Variants in PTPRZ1 observed in about 807,000 individuals in gnomAD.
PTPRZ1 encodes protein tyrosine phosphatase receptor type Z1, also known as receptor-type tyrosine-protein phosphatase zeta.
A neutral mutation model predicts 214.1 loss-of-function variants in PTPRZ1; 82 were observed. That is an observed-to-expected ratio of 0.38 (90% CI 0.32 to 0.46). PTPRZ1 has a LOEUF of 0.46. PTPRZ1 is among the 20% of genes least tolerant of loss of function. The pLI, the probability that PTPRZ1 is intolerant of heterozygous loss-of-function variation, is 1.00. For synonymous variants in PTPRZ1, 945 were observed against 987.9 expected (o/e 0.96, Z 0.81); for missense variants, 2,603 against 2,748.7 (o/e 0.95, Z 1.19).
Position 122,010,496 on chromosome 7 carries a change from A to G in PTPRZ1, c.1450A>G (p.Thr484Ala), listed in dbSNP as rs373965772. 79 of 1,613,984 alleles carry G rather than the reference A, an allele frequency of 4.9e-5. No homozygotes were observed. Among genetic ancestry groups the G allele is most frequent in the South Asian group, 8.8e-5 (8 of 91,084 alleles). ...YNEAKTNRSPTRGSEFSGKGD... is the reference protein window; with the variant it reads ...YNEAKTNRSPARGSEFSGKGD... ...TGAAGCCAAGACTAACCGATCCCCA[A>G]CAAGAGGAAGTGAATTCTCTGGAAA... Residue 484 changes from threonine (T) to alanine (A), a missense_variant, in exon 12 of 30, where the codon ACA becomes GCA. Coordinates refer to ENST00000393386, the MANE Select transcript of PTPRZ1 (RefSeq NM_002851.3).
In PTPRZ1 at chr7:122,010,878, C is replaced by T. The variant is rs747637884; in HGVS notation, c.1832C>T (p.Ser611Phe). Reference sequence around the variant, plus strand: ...ATATCCCAAGGGTATATATTTTCCTCCGAAAACCCAGAGACAATAACATAT... The same window carrying T: ...ATATCCCAAGGGTATATATTTTCCTTCGAAAACCCAGAGACAATAACATAT... ...ENISQGYIFS[S>F]ENPETITYDV... The change falls in exon 12 of 30, where the codon TCC becomes TTC. Residue 611 changes from serine to phenylalanine, a missense_variant. Ser to Phe is a radical substitution (Grantham distance 155). Around this residue, in one of 6 missense-constraint regions of PTPRZ1, gnomAD observed 1,913 missense variants for 1,914.3 expected, o/e 1.00. Coordinates refer to ENST00000393386, the MANE Select transcript of PTPRZ1 (RefSeq NM_002851.3). The T allele has an allele frequency of 1.2e-6, 2 of 1,613,968 alleles. No individual in the cohort carries two copies. The highest frequency in any genetic ancestry group is 2.2e-5 in the South Asian group (2 of 91,064).
chr7:122,057,970 A>G (rs180685377), intron 27 of PTPRZ1, among the ~76,000 whole-genome samples: 79 of 24,116 alleles, frequency 3.3e-3, no homozygotes, highest in African/African-American at 0.027. Flanking sequence ...GTGTGTGTGT[A>G]TATATATACA....
At chr7:121,927,565 A>G (rs1375668363) in intron 1 of PTPRZ1, among the ~76,000 whole-genome samples, 2 of 152,182 alleles carry the variant, frequency 1.3e-5, no homozygotes, top group Non-Finnish European at 2.9e-5. Flanking sequence ...ACCTAACTCA[A>G]GCATCTCTGT....
chr7:122,002,287 C>G (rs959155512), intron 10 of PTPRZ1, among the ~76,000 whole-genome samples: 2 of 152,102 alleles, frequency 1.3e-5, no homozygotes, highest in Non-Finnish European at 2.9e-5. Context: ...GAATAAAGAG[C>G]CTTCAAGGTG....
intron 28 of PTPRZ1, chr7:122,059,533 A>G (rs1792495493): frequency 6.4e-6 from 3 of 469,658 alleles, no homozygotes; most frequent in East Asian, 3.4e-5. Flanking sequence ...ATAAGCAAAT[A>G]CTAAACTTCT....
intron 23 of PTPRZ1, among the ~76,000 whole-genome samples, chr7:122,048,527 G>A (rs898323632): frequency 6.6e-6 from 1 of 152,122 alleles, no homozygotes; most frequent in Non-Finnish European, 1.5e-5. Context: ...AAGGTTAAAT[G>A]CTTGAGGTGA....
chr7:122,024,292 C>A (rs936711392), intron 13 of PTPRZ1, among the ~76,000 whole-genome samples: 1 of 151,016 alleles, frequency 6.6e-6, no homozygotes, highest in African/African-American at 2.4e-5. Context: ...AGAGTTGGAA[C>A]CTAAAAAGTA....
intron 3 of PTPRZ1, among the ~76,000 whole-genome samples, chr7:121,971,381 A>G (rs1797243167): frequency 1.3e-5 from 2 of 152,168 alleles, no homozygotes; most frequent in Non-Finnish European, 2.9e-5. Flanking sequence ...TGGAAATTAA[A>G]CCAAATCATT....
At chr7:121,998,085 C>T in intron 10 of PTPRZ1, 79 bp downstream of exon 10, 1 of 1,444,714 alleles carries the variant, frequency 6.9e-7, no homozygotes, top group African/African-American at 1.5e-5. Flanking sequence ...GATGCTTTCT[C>T]TCTATATTCT....
intron 20 of PTPRZ1, 48 bp downstream of exon 20, chr7:122,039,636 T>G: frequency 1.3e-6 from 2 of 1,596,702 alleles, no homozygotes; most frequent in Non-Finnish European, 8.5e-7. Context: ...ATGCATTTGG[T>G]CATTTTTTAA....
At chr7:122,009,701 A>G (rs1798591201) in intron 11 of PTPRZ1, among the ~76,000 whole-genome samples, 1 of 152,054 alleles carries the variant, frequency 6.6e-6, no homozygotes, top group South Asian at 2.1e-4. Context: ...TCTAAGGGAA[A>G]CACAAAATTA....
rs752657525 is a variant in PTPRZ1, at chr7:122,012,518, A to G, written c.3472A>G (p.Ser1158Gly). The G allele has an allele frequency of 6.8e-6, 11 of 1,613,936 alleles. No homozygotes were observed. Among genetic ancestry groups the G allele is most frequent in the South Asian group, 2.2e-5 (2 of 91,068 alleles). ...GCCAGCATCCTCTGACCCTGCTTCT[A>G]GTGAAATGTTATCTCCTTCAACTCA... Reference protein sequence around the residue: ...SEPASSDPASSEMLSPSTQLL... With the variant: ...SEPASSDPASGEMLSPSTQLL... Residue 1158 changes from serine to glycine, a missense_variant, in exon 12 of 30, where the codon AGT (serine) becomes GGT (glycine). By Grantham distance (56) the Ser-to-Gly change is moderately conservative. Transcript: ENST00000393386.
chr7:122,016,471 G>A (rs949732749), intron 12 of PTPRZ1, among the ~76,000 whole-genome samples: 2 of 151,918 alleles, frequency 1.3e-5, no homozygotes, highest in Non-Finnish European at 2.9e-5. Context: ...CTGATTGTCT[G>A]TGCTTTCATA....
In PTPRZ1 at chr7:121,972,555, A is replaced by T; in HGVS notation, c.319A>T (p.Thr107Ser). The T allele has an allele frequency of 1.2e-6, 2 of 1,605,562 alleles. No homozygotes were observed. Among genetic ancestry groups the T allele is most frequent in the Non-Finnish European group, 1.7e-6 (2 of 1,177,176 alleles). ...TCTTTTTTTAGTGGAAATTAATCTC[A>T]CTAATGACTACCGTGTCAGCGGAGG... The part of the protein sequence containing the change: ...NTGKTVEINL[T>S]NDYRVSGGVS... Residue 107 changes from threonine (T) to serine (S), a missense_variant, in exon 4 of 30, where the codon ACT (threonine) becomes TCT (serine). Thr to Ser is a moderately conservative substitution (Grantham distance 58). This residue lies in a region of PTPRZ1 where 141 missense variants were observed against 143.7 expected (regional missense o/e 0.98). Coordinates refer to ENST00000393386, the MANE Select transcript of PTPRZ1 (RefSeq NM_002851.3).
intron 10 of PTPRZ1, among the ~76,000 whole-genome samples, 175 bp downstream of exon 10, chr7:121,998,181 G>C (rs1459319912): frequency 6.6e-6 from 1 of 152,106 alleles, no homozygotes; most frequent in Non-Finnish European, 1.5e-5. Flanking sequence ...TCATTCAGCA[G>C]GTCTGGTGCC....
At chr7:122,030,931 T>A (rs1332522046) in intron 14 of PTPRZ1, among the ~76,000 whole-genome samples, 1 of 152,026 alleles carries the variant, frequency 6.6e-6, no homozygotes, top group Non-Finnish European at 1.5e-5. Flanking sequence ...TTTGACATTA[T>A]CCTTAATGAA....
chr7:121,946,509 G>T (rs1393642159), intron 2 of PTPRZ1, among the ~76,000 whole-genome samples: 2 of 152,002 alleles, frequency 1.3e-5, no homozygotes, highest in East Asian at 3.9e-4. Context: ...TAGCGAGAAG[G>T]TCCCATAGAG....
chr7:121,935,407 G>A (rs1285773912), intron 2 of PTPRZ1, among the ~76,000 whole-genome samples: 1 of 152,166 alleles, frequency 6.6e-6, no homozygotes, highest in African/African-American at 2.4e-5. Context: ...TTCTTCTTCT[G>A]TCTGAGCTGG....
intron 2 of PTPRZ1, among the ~76,000 whole-genome samples, chr7:121,952,758 T>G (rs1486663700): frequency 1.3e-5 from 2 of 152,220 alleles, no homozygotes; most frequent in Non-Finnish European, 2.9e-5. Flanking sequence ...ATGTATACAT[T>G]TAAAGAGCAG....
Sources: allele counts gnomAD v4.1 joint callset (sites outside exome capture counted in the v4.1 genomes callset), GRCh38; gene constraint gnomAD v4.1.1; regional missense constraint gnomAD v4.1.1; transcripts MANE v1.5; gene names NCBI Gene and HGNC (gene_info 2026-07-23, HGNC 2026-07-21).